CRAMP1: variants seen among roughly 807,000 people sequenced by gnomAD.
CRAMP1 encodes the protein protein cramped-like.
Under a neutral mutation model 115.4 loss-of-function variants are expected in CRAMP1, and 50 were observed. That is an observed-to-expected ratio of 0.43 (90% CI 0.35 to 0.55). The LOEUF (loss-of-function observed/expected upper bound fraction) is 0.55. CRAMP1 is among the 20% of genes least tolerant of loss of function. CRAMP1 has a pLI of 0.01. For missense variants in CRAMP1, 1,679 were observed against 1,721.7 expected (o/e 0.98, Z 0.44); for synonymous variants, 866 against 745.4 (o/e 1.16, Z -2.64).
chr16:1,663,966 A>T (rs1003191427), intron 13 of CRAMP1, among the ~76,000 whole-genome samples: 5 of 152,064 alleles, frequency 3.3e-5, no homozygotes, highest in African/African-American at 1.2e-4. Flanking sequence ...CTGGCCCTTT[A>T]CAGAAAAAGT....
intron 6 of CRAMP1, among the ~76,000 whole-genome samples, chr16:1,641,487 T>C (rs1172125274): frequency 6.6e-6 from 1 of 152,182 alleles, no homozygotes. Context: ...TTGTGCTCCT[T>C]TTCCTCCACC....
At chr16:1,634,429 C>T (rs1258429171) in intron 4 of CRAMP1, among the ~76,000 whole-genome samples, 1 of 152,082 alleles carries the variant, frequency 6.6e-6, no homozygotes, top group Non-Finnish European at 1.5e-5. Context: ...TGCGAGGAGG[C>T]CTCATTCCTC....
chr16:1,624,080 G>A (rs1360577686), intron 2 of CRAMP1, among the ~76,000 whole-genome samples: 1 of 152,128 alleles, frequency 6.6e-6, no homozygotes, highest in Non-Finnish European at 1.5e-5. Context: ...TGCAACGATG[G>A]CCGCATGTGG....
intron 13 of CRAMP1, among the ~76,000 whole-genome samples, chr16:1,663,477 T>C (rs1468092658): frequency 1.3e-5 from 2 of 152,216 alleles, no homozygotes; most frequent in African/African-American, 4.8e-5. Context: ...AGAAAGTGCC[T>C]GCTAAATCTT....
chr16:1,665,022 T>TGA, intron 13 of CRAMP1, 35 bp from the exon 14 acceptor site: 1 of 1,438,062 alleles, frequency 7.0e-7, no homozygotes, highest in Admixed American at 1.7e-5. Context: ...GTATGGGAGT[T>TGA]TCATCACCTT....
At chr16:1,619,091 A>G (rs1279245291) in intron 2 of CRAMP1, among the ~76,000 whole-genome samples, 1 of 152,210 alleles carries the variant, frequency 6.6e-6, no homozygotes, top group African/African-American at 2.4e-5. Context: ...CATGATTGCA[A>G]AGTCAGAAAT....
At chr16:1,652,998 C>G (rs368538536) in intron 7 of CRAMP1, 35 bp from the exon 8 acceptor site, 2 of 1,612,528 alleles carry the variant, frequency 1.2e-6, no homozygotes, top group Non-Finnish European at 1.7e-6. Flanking sequence ...TAAGGTTGGG[C>G]TGCACTAAAC....
chr16:1,666,350 C>T lies in CRAMP1; in HGVS notation c.2858-72C>T. 2 of 1,452,122 alleles carry T rather than the reference C, an allele frequency of 1.4e-6. No individual in the cohort carries two copies. Among genetic ancestry groups the T allele is most frequent in the Non-Finnish European group, 1.9e-6 (2 of 1,058,916 alleles). The allele number at this position is 1,452,122 out of a possible 1,614,324, so 90.0% of individuals were successfully genotyped here. ...CATGAGGTGCGAGGGAGAAGCTGTT[C>T]CCCGAGCCCTCTTGGGACATCTTAT... On this transcript the variant is annotated intron_variant, in intron 15 of 20. Coordinates refer to ENST00000397412, the MANE Select transcript of CRAMP1 (RefSeq NM_020825.4). This position sits in a 1 kb window ranked among gnomAD's most constrained non-coding sequence, Gnocchi z 5.0.
At chr16:1,662,103 T>C (rs2036836135) in intron 11 of CRAMP1, among the ~76,000 whole-genome samples, 1 of 152,182 alleles carries the variant, frequency 6.6e-6, no homozygotes, top group African/African-American at 2.4e-5. Context: ...GACGGTGTGG[T>C]CTACAGAGTG....
chr16:1,621,237 G>A (rs934891940), intron 2 of CRAMP1, among the ~76,000 whole-genome samples: 2 of 152,204 alleles, frequency 1.3e-5, no homozygotes, highest in African/African-American at 2.4e-5. Context: ...ATGTGATGGG[G>A]AAGAGGACGT....
rs546680448 is a variant in CRAMP1 at position 1,655,853 on chromosome 16, G to A, written c.1120-24G>A. The stretch of plus-strand genomic sequence containing the variant: ...TCCCGACCTCAGTGCTAGCCAGTGT[G>A]GGCCTTCCTTGACGGGCACTCAGCG... On this transcript the variant is annotated intron_variant, in intron 9 of 20. Coordinates refer to ENST00000397412, the MANE Select transcript of CRAMP1 (RefSeq NM_020825.4). The A allele has an allele frequency of 2.8e-5, 44 of 1,590,096 alleles. No homozygotes were observed. The African/African-American group carries it at 4.9e-4, about 18-fold the overall frequency.
At chr16:1,641,769 C>T (rs1287762871) in intron 6 of CRAMP1, among the ~76,000 whole-genome samples, 1 of 152,196 alleles carries the variant, frequency 6.6e-6, no homozygotes, top group East Asian at 1.9e-4. Flanking sequence ...GCCCCGCCAC[C>T]CTACTCCACA....
chr16:1,654,899 A>T (rs759468796), intron 8 of CRAMP1, among the ~76,000 whole-genome samples: 1 of 152,252 alleles, frequency 6.6e-6, no homozygotes, highest in Non-Finnish European at 1.5e-5. Context: ...CCTTGAAGCC[A>T]GAAGGAGCTG....
At chr16:1,646,656 T>C (rs1418968868) in intron 6 of CRAMP1, among the ~76,000 whole-genome samples, 1 of 152,234 alleles carries the variant, frequency 6.6e-6, no homozygotes, top group African/African-American at 2.4e-5. Flanking sequence ...GTGAAAGTCC[T>C]TCGCTTTGAT....
At chr16:1,667,772 C>G (rs1449335453) in intron 17 of CRAMP1, among the ~76,000 whole-genome samples, 190 bp from the exon 18 acceptor site, 1 of 152,196 alleles carries the variant, frequency 6.6e-6, no homozygotes, top group African/African-American at 2.4e-5. Flanking sequence ...CTTTCTGACT[C>G]TGCCATAGTG....
intron 13 of CRAMP1, among the ~76,000 whole-genome samples, chr16:1,663,739 G>A (rs1020591264): frequency 1.3e-5 from 2 of 151,944 alleles, no homozygotes; most frequent in African/African-American, 2.4e-5. Context: ...GCCTTCTCCC[G>A]CCAGCCCTTG....
intron 13 of CRAMP1, among the ~76,000 whole-genome samples, chr16:1,664,154 A>T (rs774250642): frequency 9.2e-5 from 14 of 152,158 alleles, no homozygotes; most frequent in Non-Finnish European, 1.3e-4. Flanking sequence ...CGCCTCAGAC[A>T]CTTGTAGGTC....
intron 6 of CRAMP1, among the ~76,000 whole-genome samples, chr16:1,648,239 G>A (rs1487831337): frequency 2.0e-5 from 3 of 152,154 alleles, no homozygotes; most frequent in African/African-American, 7.2e-5. Context: ...CTGTTGTTTT[G>A]GGGCAGATGG....
chr16:1,665,201 TG>T, intron 14 of CRAMP1, 63 bp downstream of exon 14: 1 of 999,242 alleles, frequency 1.0e-6, no homozygotes, highest in East Asian at 2.4e-5. Context: ...GCCTTGGCTT[TG>T]GAGACAATGG....
Sources: allele counts gnomAD v4.1 joint callset (sites outside exome capture counted in the v4.1 genomes callset), GRCh38; gene constraint gnomAD v4.1.1; non-coding constraint Gnocchi (gnomAD v3.1); transcripts MANE v1.5; gene names NCBI Gene and HGNC (gene_info 2026-07-23, HGNC 2026-07-21).